Variants in SGCG observed in about 807,000 individuals in gnomAD.
SGCG encodes gamma-sarcoglycan.
In SGCG, 26 loss-of-function variants were observed where a neutral mutation model predicts 29.3. The observed-to-expected ratio is 0.89, with a 90% CI of 0.65 to 1.23. SGCG has a LOEUF of 1.23. Ranked by LOEUF, SGCG falls within the 50% of genes most tolerant of loss-of-function variation. The pLI is 0.00. For synonymous variants in SGCG, 145 were observed against 129.7 expected (o/e 1.12, Z -0.80); for missense variants, 353 against 356.0 (o/e 0.99, Z 0.07).
the SGCG span, among the ~76,000 whole-genome samples, chr13:23,162,340 C>A: frequency 6.6e-6 from 1 of 152,198 alleles, no homozygotes. Flanking sequence ...CCTGGGCGGG[C>A]GCGGTGGCTC....
chr13:23,173,495 A>G, the SGCG span, among the ~76,000 whole-genome samples: 4 of 152,184 alleles, frequency 2.6e-5, no homozygotes, highest in African/African-American at 7.2e-5. Context: ...CATACTTTCA[A>G]AGTTCCTGGG....
Position 23,203,726 on chromosome 13 carries a change from A to G in SGCG, c.32A>G (p.Glu11Gly). ...CGTGAGCAGTACACTACAGCCACAG[A>G]AGGCATCTGCATAGAGAGGCCAGAG... MVREQYTTAT[E>G]GICIERPENQ... Residue 11 changes from glutamate (E) to glycine (G), a missense_variant, in exon 2 of 8, where the codon GAA becomes GGA. Transcript: ENST00000218867. 1 of 1,613,938 alleles carries G rather than the reference A, an allele frequency of 6.2e-7. No individual in the cohort carries two copies.
chr13:23,192,097 C>T (rs1196010767), intron 1 of SGCG, among the ~76,000 whole-genome samples: 1 of 151,428 alleles, frequency 6.6e-6, no homozygotes, highest in Non-Finnish European at 1.5e-5. Flanking sequence ...ATGACGTGAA[C>T]CCGGGAAGCG....
chr13:23,291,417 TAAAG>T (rs1320608027), intron 5 of SGCG, among the ~76,000 whole-genome samples: 1 of 152,188 alleles, frequency 6.6e-6, no homozygotes, highest in Non-Finnish European at 1.5e-5. Context: ...AATGCAAACA[TAAAG>T]AAAATGCAAT....
At chr13:23,210,564 G>A (rs959525520) in intron 2 of SGCG, among the ~76,000 whole-genome samples, 6 of 152,132 alleles carry the variant, frequency 3.9e-5, no homozygotes, top group East Asian at 1.9e-4. Context: ...GGTGGCGGGC[G>A]CCTGTAGTCC....
chr13:23,263,383 G>A (rs950509894), intron 4 of SGCG, among the ~76,000 whole-genome samples: 1 of 151,982 alleles, frequency 6.6e-6, no homozygotes, highest in East Asian at 1.9e-4. Flanking sequence ...TCTAGAGGAA[G>A]TGGATAAATT....
the SGCG span, among the ~76,000 whole-genome samples, chr13:23,172,173 CAGGGAGCCTTTG>C: frequency 6.6e-6 from 1 of 152,140 alleles, no homozygotes; most frequent in African/African-American, 2.4e-5. Flanking sequence ...GTCTGTATTC[CAGGGAGCCTTTG>C]AGGGAGATGT....
intron 4 of SGCG, among the ~76,000 whole-genome samples, chr13:23,265,204 T>C (rs575717076): frequency 5.3e-5 from 8 of 152,176 alleles, no homozygotes; most frequent in African/African-American, 1.9e-4. Context: ...GAAAAAAGAT[T>C]TTTAAAAAAG....
intron 6 of SGCG, among the ~76,000 whole-genome samples, chr13:23,305,608 A>G (rs1201986385): frequency 1.3e-5 from 2 of 152,214 alleles, no homozygotes; most frequent in Non-Finnish European, 2.9e-5. Context: ...TTCCAGTCAA[A>G]GTGGAAATGC....
intron 4 of SGCG, among the ~76,000 whole-genome samples, chr13:23,264,112 G>A (rs1593205418): frequency 6.6e-6 from 1 of 151,784 alleles, no homozygotes; most frequent in African/African-American, 2.4e-5. Context: ...AAAACAAAGG[G>A]CATCCAAATT....
intron 2 of SGCG, among the ~76,000 whole-genome samples, chr13:23,234,320 AT>A (rs199761571): frequency 2.6e-5 from 4 of 151,894 alleles, no homozygotes; most frequent in Admixed American, 6.6e-5. Flanking sequence ...CCTTAATTTA[AT>A]TTTTTTTAAA....
chr13:23,234,717 G>T lies in SGCG; in HGVS notation c.297+5G>T. On this transcript the variant is annotated splice_donor_5th_base_variant and intron_variant, in intron 3 of 7. Transcript: ENST00000218867. ...AAAGAAATACACTCCAGAGTGGTAA[G>T]AAAATGTTAAGACAAATAATTTGTG... 6.5e-7 allele frequency: 1 copy of T among 1,529,132 alleles called. No homozygotes were observed. Among genetic ancestry groups the T allele is most frequent in the Admixed American group, 1.7e-5 (1 of 59,850 alleles). 94.7% of individuals were successfully genotyped at this position (1,529,132 alleles called of 1,614,324 possible).
intron 1 of SGCG, among the ~76,000 whole-genome samples, chr13:23,194,773 T>C (rs1877420201): frequency 6.6e-6 from 1 of 152,192 alleles, no homozygotes; most frequent in Non-Finnish European, 1.5e-5. Context: ...ACATGACCGA[T>C]AGCTGGACCA....
intron 6 of SGCG, among the ~76,000 whole-genome samples, chr13:23,299,771 GGCAAAATCATTT>G (rs1028030260): frequency 6.6e-6 from 1 of 151,836 alleles, no homozygotes; most frequent in African/African-American, 2.4e-5. Flanking sequence ...CATTTCTTAT[GGCAAAATCATTT>G]GCAAGGAAAG....
chr13:23,299,456 A>ATATATATATGTTTTTTT (rs1882059808), intron 6 of SGCG, among the ~76,000 whole-genome samples: 1 of 41,542 alleles, frequency 2.4e-5, no homozygotes, highest in Non-Finnish European at 4.8e-5. Flanking sequence ...ATATATATAT[A>ATATATATATGTTTTTTT]TTTTTTTTTT....
chr13:23,255,829 C>T (rs1880155529), intron 4 of SGCG, among the ~76,000 whole-genome samples: 1 of 152,058 alleles, frequency 6.6e-6, no homozygotes, highest in African/African-American at 2.4e-5. Context: ...AACTTGCTTC[C>T]AAGAAACAAC....
At chr13:23,301,265 A>G (rs1882148148) in intron 6 of SGCG, among the ~76,000 whole-genome samples, 1 of 152,216 alleles carries the variant, frequency 6.6e-6, no homozygotes, top group Non-Finnish European at 1.5e-5. Flanking sequence ...AAATGAATAG[A>G]AATGAGGGAA....
At chr13:23,238,361 GATAA>G (rs1029401031) in intron 3 of SGCG, among the ~76,000 whole-genome samples, 4 of 152,154 alleles carry the variant, frequency 2.6e-5, no homozygotes, top group African/African-American at 9.7e-5. Flanking sequence ...CAAGTCTATG[GATAA>G]ATATTTACCA....
intron 4 of SGCG, among the ~76,000 whole-genome samples, chr13:23,271,364 T>G (rs1241869878): frequency 1.3e-5 from 2 of 152,112 alleles, no homozygotes; most frequent in African/African-American, 4.8e-5. Context: ...GGAAGAAGAA[T>G]AATTGTCTTA....
Sources: gnomAD v4.1 joint callset for allele counts (sites outside exome capture counted in the v4.1 genomes callset) on GRCh38, gnomAD v4.1.1 for gene constraint, MANE v1.5 for transcripts, NCBI Gene and HGNC (gene_info 2026-07-23, HGNC 2026-07-21) for gene names.